JAK1: variants seen among roughly 807,000 people sequenced by gnomAD.
JAK1 encodes the protein Janus kinase 1.
In JAK1, 16 loss-of-function variants were observed where a neutral mutation model predicts 136.6. The ratio of observed to expected loss-of-function variants is 0.12; its 90% CI spans 0.08 to 0.18. JAK1 has a LOEUF of 0.18. JAK1 is among the 10% of genes least tolerant of loss of function. The probability of loss-of-function intolerance (pLI) is 1.00; values close to 1 mark genes in which losing one functional copy is unlikely to be tolerated. For synonymous variants in JAK1, 492 were observed against 519.5 expected, an observed-to-expected ratio of 0.95 and a Z score of 0.72; for missense variants, 859 against 1,450.1, an observed-to-expected ratio of 0.59 and a Z score of 6.62.
intron 1 of JAK1, among the ~76,000 whole-genome samples, chr1:64,948,061 C>A (rs973777331): frequency 1.9e-4 from 29 of 152,110 alleles, no homozygotes; most frequent in Admixed American, 1.8e-3. Flanking sequence ...AATCCAAGAA[C>A]AGGAGGGTAA....
chr1:64,980,311 A>G (rs866556229), intron 2 of JAK1, among the ~76,000 whole-genome samples: 4 of 152,280 alleles, frequency 2.6e-5, no homozygotes, highest in South Asian at 2.1e-4. Context: ...GTTTTGCACC[A>G]TGTTACAATG....
At chr1:65,046,323 G>C (rs769957090) in intron 1 of JAK1, among the ~76,000 whole-genome samples, 1 of 152,188 alleles carries the variant, frequency 6.6e-6, no homozygotes, top group Non-Finnish European at 1.5e-5. Flanking sequence ...CCTTAAGTCA[G>C]ACACGGACAA....
chr1:64,847,492 C>T (rs778757147), intron 13 of JAK1, 40 bp downstream of exon 13: 45 of 1,611,030 alleles, frequency 2.8e-5, no homozygotes, highest in Middle Eastern at 3.6e-4. Context: ...GCTCCAGAAA[C>T]GGGAGAGGGG....
Position 64,869,472 on chromosome 1 carries a change from T to C in JAK1, c.486A>G (p.Gly162=), listed in dbSNP as rs997193236. 11 of 1,613,446 alleles carry C rather than the reference T, an allele frequency of 6.8e-6. No homozygotes were observed. Among genetic ancestry groups the C allele is most frequent in the Admixed American group, 5.0e-5 (3 of 59,948 alleles). Residue 162 remains glycine (G), a splice_region_variant and synonymous_variant, in exon 6 of 25, where the codon GGA becomes GGG. Coordinates refer to ENST00000342505, the MANE Select transcript of JAK1 (RefSeq NM_002227.4). ...CCAGGCATTTCACCAAATCATACTG[T>C]CCCTAGGAGCAAGGGGGAGAAACCA... is the stretch of plus-strand genomic sequence containing the variant. The part of the protein sequence containing the change: ...ASSLEYLFAQ[G]QYDLVKCLAP...
intron 1 of JAK1, among the ~76,000 whole-genome samples, chr1:64,964,679 T>C (rs1251142148): frequency 6.6e-6 from 1 of 152,220 alleles, no homozygotes; most frequent in Non-Finnish European, 1.5e-5. Flanking sequence ...TAGTTTTGTA[T>C]CTATTTGCAG....
intron 1 of JAK1, among the ~76,000 whole-genome samples, chr1:65,061,681 C>T (rs1360561825): frequency 1.3e-5 from 2 of 152,148 alleles, no homozygotes; most frequent in East Asian, 1.9e-4. Flanking sequence ...TTTGACCACA[C>T]TGAGATGTTA....
chr1:64,914,386 A>G (rs1300994337), intron 1 of JAK1, among the ~76,000 whole-genome samples: 2 of 152,236 alleles, frequency 1.3e-5, no homozygotes, highest in Non-Finnish European at 2.9e-5. Context: ...TTCTGACTCT[A>G]AACACTTTGA....
intron 1 of JAK1, among the ~76,000 whole-genome samples, chr1:64,905,904 C>T (rs1322136576): frequency 6.6e-6 from 1 of 152,150 alleles, no homozygotes; most frequent in Non-Finnish European, 1.5e-5. Flanking sequence ...CTCCAAATGT[C>T]GGTGGCCCAA....
chr1:64,912,869 T>C (rs781612768), intron 1 of JAK1, among the ~76,000 whole-genome samples: 7 of 152,240 alleles, frequency 4.6e-5, no homozygotes, highest in Non-Finnish European at 1.0e-4. Context: ...GCTTTGCTGA[T>C]TGGCTGGCTG....
chr1:64,969,833 G>A (rs1646434256), upstream of JAK1, among the ~76,000 whole-genome samples: 1 of 152,100 alleles, frequency 6.6e-6, no homozygotes. Context: ...TTGAGAAGAG[G>A]AAAGTTTTAA....
exon 1 of JAK1, chr1:65,067,617 G>A (rs2100910322): frequency 6.7e-6 from 1 of 148,408 alleles, no homozygotes; most frequent in Middle Eastern, 3.4e-3. Flanking sequence ...CGCCCCCGGG[G>A]GTCCCGGGCT....
At position 65,045,166 on chromosome 1, in the gene JAK1, G is replaced by A. The variant is rs941791349; in HGVS notation, c.-180-584C>T. Reference sequence around the variant, plus strand: ...AGTTCTTGTATTGGGTCATACAGCTGGGGAGGAAGAAGGCATGATGGCCAC... The same window carrying A: ...AGTTCTTGTATTGGGTCATACAGCTAGGGAGGAAGAAGGCATGATGGCCAC... On this transcript the variant is annotated intron_variant, in intron 1 of 25. Transcript: ENST00000671954. Among the ~76,000 whole-genome samples, 4 of 152,316 alleles carry A rather than the reference G, an allele frequency of 2.6e-5. No individual in the cohort carries two copies. The East Asian group carries it at 5.8e-4, about 22-fold the overall frequency.
chr1:64,965,089 T>C (rs1418962987), intron 1 of JAK1, among the ~76,000 whole-genome samples: 1 of 152,060 alleles, frequency 6.6e-6, no homozygotes, highest in African/African-American at 2.4e-5. Context: ...CCTATACCCA[T>C]ATTTAACTCA....
chr1:64,988,599 G>T (rs1646622023), intron 2 of JAK1, among the ~76,000 whole-genome samples: 1 of 152,098 alleles, frequency 6.6e-6, no homozygotes, highest in South Asian at 2.1e-4. Context: ...TAAAAAATGG[G>T]CCAGTTGCAG....
Position 64,867,052 on chromosome 1 carries a change from C to A in JAK1, c.804G>T (p.Val268=). The change falls in exon 7 of 25, where the codon GTG becomes GTT. Residue 268 remains valine (V), a synonymous_variant. Coordinates refer to ENST00000342505, the MANE Select transcript of JAK1 (RefSeq NM_002227.4). ...DSSVSTHDLK[V]KYLATLETLT... is the part of the protein sequence containing the mutation. ...AAGTTTCCAAGGTAGCCAAGTATTTCACCTTCAGGTCATGCGTGGACACGC... is the reference window on the plus strand; with the variant it reads ...AAGTTTCCAAGGTAGCCAAGTATTTAACCTTCAGGTCATGCGTGGACACGC... 1 of 1,614,250 alleles carries A rather than the reference C, an allele frequency of 6.2e-7. No homozygotes were observed. Among genetic ancestry groups the A allele is most frequent in the Admixed American group, 1.7e-5 (1 of 60,036 alleles).
At chr1:64,985,026 T>A (rs1401915067) in intron 2 of JAK1, 1 of 858,156 alleles carries the variant, frequency 1.2e-6, no homozygotes, top group Admixed American at 1.7e-5. Flanking sequence ...ATTACACTCA[T>A]CCTTCAATAA....
chr1:64,983,185 T>C (rs927271890), intron 2 of JAK1, among the ~76,000 whole-genome samples: 1 of 152,060 alleles, frequency 6.6e-6, no homozygotes, highest in African/African-American at 2.4e-5. Flanking sequence ...AAGTCAACAA[T>C]AACCTACTTC....
intron 2 of JAK1, among the ~76,000 whole-genome samples, chr1:65,009,348 A>G (rs1380976841): frequency 1.3e-5 from 2 of 152,202 alleles, no homozygotes; most frequent in African/African-American, 2.4e-5. Flanking sequence ...TGAAACTGCT[A>G]AAGTGGTTTC....
chr1:65,056,634 C>A (rs776479923), intron 1 of JAK1, among the ~76,000 whole-genome samples: 2 of 152,126 alleles, frequency 1.3e-5, no homozygotes, highest in African/African-American at 2.4e-5. Flanking sequence ...GTTAAAAAGT[C>A]ACACGAGGCC....
Sources: allele counts gnomAD v4.1 joint callset (sites outside exome capture counted in the v4.1 genomes callset), GRCh38; gene constraint gnomAD v4.1.1; transcripts MANE v1.5; gene names NCBI Gene and HGNC (gene_info 2026-07-23, HGNC 2026-07-21).